Variants in CUL1 observed in about 807,000 individuals in gnomAD.
CUL1 encodes the protein cullin-1.
CUL1 carries 24 observed loss-of-function variants against 118.0 expected under a neutral mutation model. That is an observed-to-expected ratio of 0.20 (90% confidence interval 0.15 to 0.29). The LOEUF (loss-of-function observed/expected upper bound fraction) is 0.29. Ranked by LOEUF, CUL1 falls within the 10% of genes least tolerant of loss-of-function variation. The pLI, the probability that CUL1 is intolerant of heterozygous loss-of-function variation, is 1.00. For synonymous variants in CUL1, 332 were observed against 340.4 expected (o/e 0.98, Z 0.27); for missense variants, 361 against 933.8 (o/e 0.39, Z 7.99).
intron 1 of CUL1, among the ~76,000 whole-genome samples, chr7:148,705,083 C>T (rs1353580948): frequency 6.6e-6 from 1 of 152,138 alleles, no homozygotes; most frequent in African/African-American, 2.4e-5. Flanking sequence ...TAATCTTCTT[C>T]TCATTTATTT....
chr7:148,748,052 T>C (rs1332964224), intron 2 of CUL1, among the ~76,000 whole-genome samples: 2 of 152,162 alleles, frequency 1.3e-5, no homozygotes, highest in Non-Finnish European at 2.9e-5. Flanking sequence ...TAATTAACCA[T>C]TTCAAGAATG....
chr7:148,708,225 C>G (rs1797947278), intron 1 of CUL1, among the ~76,000 whole-genome samples: 4 of 152,200 alleles, frequency 2.6e-5, no homozygotes, highest in Admixed American at 2.6e-4. Flanking sequence ...TGCTAATAGC[C>G]TTCAGGGCTT....
At chr7:148,756,334 T>C (rs77027067) in intron 3 of CUL1, among the ~76,000 whole-genome samples, 445 of 148,734 alleles carry the variant, frequency 3.0e-3, no homozygotes, top group Non-Finnish European at 4.8e-3. Flanking sequence ...TGTTGATTTC[T>C]TTTTTTTTTG....
intron 2 of CUL1, among the ~76,000 whole-genome samples, chr7:148,748,644 T>C (rs1448347258): frequency 6.6e-6 from 1 of 151,940 alleles, no homozygotes; most frequent in Non-Finnish European, 1.5e-5. Context: ...AAAAATAGAG[T>C]TGACCAGCTC....
chr7:148,711,553 G>A (rs369748437), intron 1 of CUL1, among the ~76,000 whole-genome samples: 2 of 152,318 alleles, frequency 1.3e-5, no homozygotes, highest in East Asian at 1.9e-4. Context: ...TAAAGAGCAC[G>A]GTAGCGCCGT....
rs78521921 is a variant in CUL1, at chr7:148,731,859, C to T, written c.140+1597C>T. The stretch of plus-strand genomic sequence containing the variant: ...TCCTTGTAGCGCGTATCACTGTGTA[C>T]GTCATTCCTTTCTGTGACTCAGTTG... On this transcript the variant is annotated intron_variant, in intron 2 of 21. Transcript: ENST00000325222. Among the ~76,000 whole-genome samples, 975 of 152,292 alleles carry T rather than the reference C, an allele frequency of 6.4e-3. 28 individuals are homozygous for T. Among genetic ancestry groups the T allele is most frequent in the Admixed American group, 0.038 (576 of 15,300 alleles).
chr7:148,719,010 G>C (rs1248359630), intron 1 of CUL1, among the ~76,000 whole-genome samples: 3 of 152,134 alleles, frequency 2.0e-5, no homozygotes, highest in Non-Finnish European at 4.4e-5. Flanking sequence ...AGTAAGTAGA[G>C]AGAAAACTTA....
intron 6 of CUL1, 121 bp from the exon 7 acceptor site, chr7:148,760,212 T>C: frequency 1.4e-6 from 1 of 721,708 alleles, no homozygotes; most frequent in Non-Finnish European, 2.2e-6. Flanking sequence ...GTTACTTATG[T>C]CCTGCCATTT....
chr7:148,797,008 C>T (rs376824192), intron 17 of CUL1, among the ~76,000 whole-genome samples: 3 of 152,162 alleles, frequency 2.0e-5, no homozygotes, highest in African/African-American at 7.2e-5. Flanking sequence ...TCTGTGAGTG[C>T]CCTCAGGCTG....
chr7:148,769,448 C>CACACAA (rs991930977), intron 9 of CUL1, among the ~76,000 whole-genome samples: 2 of 131,180 alleles, frequency 1.5e-5, no homozygotes, highest in Non-Finnish European at 3.4e-5. Context: ...CACACACACA[C>CACACAA]AAAACGCTCA....
At chr7:148,790,527 G>A in intron 16 of CUL1, 86 bp downstream of exon 16, 1 of 1,181,848 alleles carries the variant, frequency 8.5e-7, no homozygotes, top group Non-Finnish European at 1.2e-6. Flanking sequence ...TGACTCAGCA[G>A]CAGAATCTAG....
chr7:148,703,879 G>A (rs1797799624), intron 1 of CUL1, among the ~76,000 whole-genome samples: 1 of 152,092 alleles, frequency 6.6e-6, no homozygotes, highest in Non-Finnish European at 1.5e-5. Flanking sequence ...AGGGGGGTAA[G>A]CTTGGGTGCT....
In CUL1 at chr7:148,732,473, A is replaced by G. The variant is rs148316401; in HGVS notation, c.140+2211A>G. On this transcript the variant is annotated intron_variant, in intron 2 of 21. Transcript: ENST00000325222. ...TCCTCCCATCTCAGCCTTCAAGTGGATGGGACCACAGGCACGCACCATCAT... is the reference window on the plus strand; with the variant it reads ...TCCTCCCATCTCAGCCTTCAAGTGGGTGGGACCACAGGCACGCACCATCAT... 4.8e-3 allele frequency among the ~76,000 whole-genome samples: 728 copies of G among 150,394 alleles called. 6 individuals carry two copies. Among genetic ancestry groups the G allele is most frequent in the African/African-American group, 0.017 (699 of 40,794 alleles).
At chr7:148,792,651 G>T in intron 16 of CUL1, 75 bp from the exon 17 acceptor site, 1 of 925,586 alleles carries the variant, frequency 1.1e-6, no homozygotes, top group African/African-American at 1.7e-5. Context: ...CTTCAAACTT[G>T]GGCTGTATAT....
At chr7:148,738,150 A>T (rs1016950434) in intron 2 of CUL1, among the ~76,000 whole-genome samples, 2 of 152,202 alleles carry the variant, frequency 1.3e-5, no homozygotes, top group African/African-American at 4.8e-5. Flanking sequence ...CTTCAGAAAT[A>T]AGGCATGGTG....
At chr7:148,721,353 G>T (rs886791157) in intron 1 of CUL1, among the ~76,000 whole-genome samples, 8 of 151,988 alleles carry the variant, frequency 5.3e-5, no homozygotes, top group African/African-American at 1.9e-4. Flanking sequence ...CACCCTAAAT[G>T]CTTTTGCTTT....
At chr7:148,756,962 C>A (rs879629251) in intron 3 of CUL1, 21 bp from the exon 4 acceptor site, 12 of 1,540,388 alleles carry the variant, frequency 7.8e-6, no homozygotes, top group Middle Eastern at 2.1e-4. Flanking sequence ...CATCTTAAAG[C>A]TTTAGTTAAC....
intron 17 of CUL1, among the ~76,000 whole-genome samples, chr7:148,796,191 A>G (rs1584825724): frequency 6.6e-6 from 1 of 152,128 alleles, no homozygotes; most frequent in Admixed American, 6.5e-5. Flanking sequence ...TGAATTTTGT[A>G]TCATGCAAGA....
intron 9 of CUL1, among the ~76,000 whole-genome samples, chr7:148,770,802 C>T (rs62507059): frequency 6.6e-6 from 1 of 152,184 alleles, no homozygotes; most frequent in Non-Finnish European, 1.5e-5. Context: ...AAAACAAATA[C>T]TTTTAAATAG....
Sources: allele counts gnomAD v4.1 joint callset (sites outside exome capture counted in the v4.1 genomes callset), GRCh38; gene constraint gnomAD v4.1.1; transcripts MANE v1.5; gene names NCBI Gene and HGNC (gene_info 2026-07-23, HGNC 2026-07-21).